The following CLMN variants were observed in gnomAD, a reference collection of about 807,000 sequenced individuals.
The protein encoded by CLMN is calmin.
In CLMN, 57 loss-of-function variants were observed where a neutral mutation model predicts 92.7. The observed-to-expected ratio is 0.61, with a 90% CI of 0.50 to 0.77. The LOEUF (loss-of-function observed/expected upper bound fraction) is 0.77. Among genes scored for constraint, CLMN ranks in the 30% least tolerant of loss-of-function variants. The pLI, the probability that CLMN is intolerant of heterozygous loss-of-function variation, is 0.00. For synonymous variants in CLMN, 466 were observed against 470.6 expected (o/e 0.99, Z 0.13); for missense variants, 1,158 against 1,237.5 (o/e 0.94, Z 0.96).
intron 1 of CLMN, among the ~76,000 whole-genome samples, chr14:95,315,359 T>C (rs1177237881): frequency 2.6e-5 from 4 of 152,220 alleles, no homozygotes; most frequent in Non-Finnish European, 5.9e-5. Flanking sequence ...CCCACTCTGC[T>C]GCCCTTAGCT....
chr14:95,191,654 C>G lies in CLMN; in HGVS notation c.2919G>C (p.Gln973His). ...GAATAAAATACATCATATCCGGCTG[C>G]TGGACAAGCTGTGTCAGGGAGTCAC... ...PQSDSLTQLV[Q>H]QPDMMYFILF... Residue 973 changes from glutamine (Q) to histidine (H), a missense_variant, in exon 13 of 13, where the codon CAG (glutamine) becomes CAC (histidine). Physicochemically the swap from Gln to His is conservative, Grantham distance 24. Transcript: ENST00000298912. The surrounding 1 kb of genome is among the most constrained non-coding windows in gnomAD (Gnocchi z 5.3). The G allele has an allele frequency of 6.2e-7, 1 of 1,613,790 alleles. No homozygotes were observed. The highest frequency in any genetic ancestry group is 8.5e-7 in the Non-Finnish European group (1 of 1,180,002).
intron 1 of CLMN, among the ~76,000 whole-genome samples, chr14:95,270,293 T>C (rs1011342665): frequency 1.3e-5 from 2 of 152,226 alleles, no homozygotes; most frequent in African/African-American, 4.8e-5. Flanking sequence ...TTTTAAGATA[T>C]AATTCACATG....
chr14:95,209,615 G>T, intron 7 of CLMN, 138 bp from the exon 8 acceptor site: 1 of 688,510 alleles, frequency 1.5e-6, no homozygotes, highest in Non-Finnish European at 2.6e-6. Context: ...GGAACTTTAG[G>T]CTCAAAGGTG....
At chr14:95,254,531 G>A (rs115378184) in intron 1 of CLMN, among the ~76,000 whole-genome samples, 76 of 152,154 alleles carry the variant, frequency 5.0e-4, no homozygotes, top group Middle Eastern at 3.4e-3. Context: ...ACACTTGGAC[G>A]TCCACCAGCC....
intron 9 of CLMN, among the ~76,000 whole-genome samples, chr14:95,197,117 G>A (rs1259830145): frequency 6.6e-6 from 1 of 152,022 alleles, no homozygotes; most frequent in East Asian, 1.9e-4. Context: ...GCTGTGTGTG[G>A]TAGTGCCTGT....
chr14:95,245,982 C>G (rs1256048641), intron 1 of CLMN, among the ~76,000 whole-genome samples: 1 of 152,128 alleles, frequency 6.6e-6, no homozygotes, highest in Non-Finnish European at 1.5e-5. Context: ...GGCCTCCAAA[C>G]GCACCATGCC....
chr14:95,246,424 G>T (rs987005059), intron 1 of CLMN, among the ~76,000 whole-genome samples: 4 of 152,188 alleles, frequency 2.6e-5, no homozygotes, highest in Admixed American at 6.5e-5. Context: ...GGCTTCCCAT[G>T]GGGCCCTGCA....
intron 1 of CLMN, among the ~76,000 whole-genome samples, chr14:95,291,766 G>A (rs1449896912): frequency 3.3e-5 from 5 of 152,162 alleles, no homozygotes; most frequent in African/African-American, 1.2e-4. Context: ...TCAGCAGGAG[G>A]TACCAAAAAG....
chr14:95,244,781 G>A (rs548091445), intron 1 of CLMN, among the ~76,000 whole-genome samples: 2 of 151,944 alleles, frequency 1.3e-5, no homozygotes, highest in Non-Finnish European at 2.9e-5. Flanking sequence ...GCTAAAAGAA[G>A]GACATATCAT....
chr14:95,201,919 T>C (rs925911348), intron 9 of CLMN, among the ~76,000 whole-genome samples: 24 of 152,266 alleles, frequency 1.6e-4, no homozygotes, highest in Admixed American at 1.4e-3. Context: ...TCATTCTTTT[T>C]TATGGCTGCA....
At chr14:95,231,246 G>C (rs566874164) in intron 1 of CLMN, among the ~76,000 whole-genome samples, 27 of 150,808 alleles carry the variant, frequency 1.8e-4, no homozygotes, top group African/African-American at 6.6e-4. Context: ...ACCCAGGCTG[G>C]AGTGCAGTGA....
At chr14:95,310,731 A>G (rs1901500582) in intron 1 of CLMN, among the ~76,000 whole-genome samples, 1 of 152,208 alleles carries the variant, frequency 6.6e-6, no homozygotes, top group South Asian at 2.1e-4. Flanking sequence ...AGGAGGGCAC[A>G]CACAGGGCCC....
At position 95,209,422 on chromosome 14, in the gene CLMN, A is replaced by G; in HGVS notation, c.858T>C (p.Phe286=). The change falls in exon 8 of 13, where the codon TTT becomes TTC. Residue 286 remains phenylalanine (F), a synonymous_variant. Coordinates refer to ENST00000298912, the MANE Select transcript of CLMN (RefSeq NM_024734.4). ...EQSIMTYVAQ[F]LERFPELEAE... The stretch of plus-strand genomic sequence containing the variant: ...CTTCCAACTCCGGAAAACGTTCTAG[A>G]AACTGTGCCACGTAAGTCATGATAG... 1.2e-6 allele frequency: 2 copies of G among 1,614,196 alleles called. No homozygotes were observed. The highest frequency in any genetic ancestry group is 1.1e-5 in the South Asian group (1 of 91,078).
At position 95,256,053 on chromosome 14, in the gene CLMN, A is replaced by G. The variant is rs1350845511; in HGVS notation, c.83-25920T>C. On this transcript the variant is annotated intron_variant, in intron 1 of 12. Transcript: ENST00000298912. The surrounding 1 kb of genome is among the most constrained non-coding windows in gnomAD (Gnocchi z 4.9). Reference sequence around the variant, plus strand: ...TTTACAAATGAGGAAACTGAGGCACAGAAAGCTTAACGAACTTGCCTGCAG... The same window carrying G: ...TTTACAAATGAGGAAACTGAGGCACGGAAAGCTTAACGAACTTGCCTGCAG... 6.6e-6 allele frequency among the ~76,000 whole-genome samples: 1 copy of G among 152,242 alleles called. No individual in the cohort carries two copies. The highest frequency in any genetic ancestry group is 1.9e-4 in the East Asian group (1 of 5,194).
chr14:95,309,447 C>A (rs759859750), intron 1 of CLMN, among the ~76,000 whole-genome samples: 2 of 152,232 alleles, frequency 1.3e-5, no homozygotes, highest in Non-Finnish European at 2.9e-5. Context: ...GTCCCAAAAT[C>A]CACACAACAG....
At chr14:95,272,311 A>C (rs1899742123) in intron 1 of CLMN, among the ~76,000 whole-genome samples, 1 of 151,906 alleles carries the variant, frequency 6.6e-6, no homozygotes, top group Admixed American at 6.6e-5. Flanking sequence ...CACTCCAGGA[A>C]GAGGAGGAGG....
In CLMN at chr14:95,245,181, TATATATATATATA is replaced by T. The variant is rs1566890591; in HGVS notation, c.83-15061_83-15049del. Among the ~76,000 whole-genome samples the T allele has an allele frequency of 6.6e-4, 27 of 40,974 alleles. 2 individuals carry two copies. The highest frequency in any genetic ancestry group is 3.2e-3 in the African/African-American group (27 of 8,558). 26.9% of individuals were successfully genotyped at this position (40,974 alleles called of 152,430 possible). Reference sequence around the variant, plus strand: ...GAACTGTAACTGGTTATATTATATATATATATATATATAATATATATATATATTATATATATAT... The same window carrying T: ...GAACTGTAACTGGTTATATTATATATATATATATATATATTATATATATAT... On this transcript the variant is annotated intron_variant, in intron 1 of 12. Transcript: ENST00000298912.
chr14:95,258,194 A>C (rs994158493), intron 1 of CLMN, among the ~76,000 whole-genome samples: 4 of 151,342 alleles, frequency 2.6e-5, no homozygotes, highest in Admixed American at 1.3e-4. Context: ...ATATGTATGC[A>C]TAGTGCATAT....
intron 1 of CLMN, among the ~76,000 whole-genome samples, chr14:95,269,488 C>A (rs895413427): frequency 1.3e-5 from 2 of 152,172 alleles, no homozygotes; most frequent in Admixed American, 1.3e-4. Flanking sequence ...ATGGCCAGAC[C>A]CAAGTCACAG....
Sources: gnomAD v4.1 joint callset for allele counts (sites outside exome capture counted in the v4.1 genomes callset) on GRCh38, gnomAD v4.1.1 for gene constraint, Gnocchi (gnomAD v3.1) non-coding constraint, MANE v1.5 for transcripts, NCBI Gene and HGNC (gene_info 2026-07-23, HGNC 2026-07-21) for gene names.